The following SSH2 variants were observed in gnomAD, a reference collection of about 807,000 sequenced individuals.
SSH2 encodes protein phosphatase Slingshot homolog 2.
In SSH2, 37 loss-of-function variants were observed where a neutral mutation model predicts 135.2. The observed-to-expected ratio is 0.27, with a 90% CI of 0.21 to 0.36. The LOEUF is 0.36. Among genes scored for constraint, SSH2 ranks in the 10% least tolerant of loss-of-function variants. The pLI is 1.00. For missense variants in SSH2, 1,408 were observed against 1,765.3 expected, an observed-to-expected ratio of 0.80 and a Z score of 3.63; for synonymous variants, 628 against 646.2, an observed-to-expected ratio of 0.97 and a Z score of 0.43.
chr17:29,828,814 A>C (rs2042788788), intron 2 of SSH2, among the ~76,000 whole-genome samples: 1 of 152,238 alleles, frequency 6.6e-6, no homozygotes, highest in African/African-American at 2.4e-5. Context: ...TGGGAAACAA[A>C]GACACACAGA....
intron 1 of SSH2, among the ~76,000 whole-genome samples, chr17:29,909,654 T>G (rs1268312339): frequency 6.6e-6 from 1 of 152,212 alleles, no homozygotes; most frequent in Non-Finnish European, 1.5e-5. Context: ...TACACACAGA[T>G]TCTTAGGAAT....
intron 1 of SSH2, among the ~76,000 whole-genome samples, chr17:29,913,347 AATATATATATATATAT>A (rs56068605): frequency 9.4e-4 from 27 of 28,788 alleles, no homozygotes; most frequent in African/African-American, 3.2e-3. Flanking sequence ...AAAAAAAAAA[AATATATATATATATAT>A]ATATATATAT....
intron 1 of SSH2, among the ~76,000 whole-genome samples, chr17:29,850,770 G>T (rs2065540861): frequency 6.6e-6 from 1 of 152,166 alleles, no homozygotes; most frequent in African/African-American, 2.4e-5. Context: ...TGGATCACGA[G>T]GTCAGGAGAT....
chr17:29,820,996 G>A (rs1052587814), intron 2 of SSH2, among the ~76,000 whole-genome samples: 1 of 152,096 alleles, frequency 6.6e-6, no homozygotes, highest in East Asian at 1.9e-4. Flanking sequence ...AGCATCTGAA[G>A]AGTCCATGAA....
chr17:29,839,639 C>G (rs961979019), intron 2 of SSH2, among the ~76,000 whole-genome samples: 1 of 152,146 alleles, frequency 6.6e-6, no homozygotes, highest in Admixed American at 6.5e-5. Flanking sequence ...AGAAATATGT[C>G]AGGTCTCATT....
intron 12 of SSH2, among the ~76,000 whole-genome samples, chr17:29,654,335 G>A (rs1028154265): frequency 2.0e-5 from 3 of 152,030 alleles, no homozygotes; most frequent in African/African-American, 7.2e-5. Flanking sequence ...TTTAAATTAA[G>A]CAACCAGATT....
At chr17:29,813,152 G>A (rs1426950684) in intron 2 of SSH2, among the ~76,000 whole-genome samples, 1 of 152,126 alleles carries the variant, frequency 6.6e-6, no homozygotes, top group Non-Finnish European at 1.5e-5. Context: ...GGAGGCTGAG[G>A]CGGGTGGATC....
chr17:29,735,581 C>T (rs1021834087), intron 3 of SSH2, among the ~76,000 whole-genome samples: 30 of 151,016 alleles, frequency 2.0e-4, no homozygotes, highest in South Asian at 6.3e-4. Flanking sequence ...CCAGTAATCC[C>T]GCTACTTAGG....
At chr17:29,777,764 G>T in intron 3 of SSH2, 1 of 147,530 alleles carries the variant, frequency 6.8e-6, no homozygotes, top group Non-Finnish European at 1.4e-5. Flanking sequence ...GTATATTCAT[G>T]CCTCTGACCC....
At chr17:29,709,015 TAG>T (rs58190730) in intron 3 of SSH2, among the ~76,000 whole-genome samples, 1,114 of 81,472 alleles carry the variant, frequency 0.014, 14 homozygotes, top group Middle Eastern at 0.046. Context: ...TATATATATA[TAG>T]AGAGAGAGAG....
At chr17:29,760,465 C>A (rs773554297) in intron 3 of SSH2, among the ~76,000 whole-genome samples, 2 of 152,176 alleles carry the variant, frequency 1.3e-5, no homozygotes, top group Non-Finnish European at 2.9e-5. Flanking sequence ...AGCTTCAGCA[C>A]ACACACTTCT....
At chr17:29,717,047 T>C (rs553650795) in intron 3 of SSH2, among the ~76,000 whole-genome samples, 1 of 152,330 alleles carries the variant, frequency 6.6e-6, no homozygotes, top group South Asian at 2.1e-4. Context: ...ACCATTCCAG[T>C]TCCATATCCT....
chr17:29,705,500 T>C (rs2039161837), intron 3 of SSH2, among the ~76,000 whole-genome samples: 1 of 152,216 alleles, frequency 6.6e-6, no homozygotes, highest in Non-Finnish European at 1.5e-5. Context: ...CAACCACTTC[T>C]GCCCTCGATT....
intron 1 of SSH2, among the ~76,000 whole-genome samples, chr17:29,920,320 A>T (rs1468105740): frequency 6.6e-6 from 1 of 152,244 alleles, no homozygotes. Context: ...AAAGATGAGA[A>T]ACCTGAAGAT....
At chr17:29,734,992 C>T (rs1475593136) in intron 3 of SSH2, among the ~76,000 whole-genome samples, 2 of 151,954 alleles carry the variant, frequency 1.3e-5, no homozygotes, top group East Asian at 3.9e-4. Flanking sequence ...AAATCAAATA[C>T]CTAAAGCACT....
chr17:29,841,858 C>G (rs2043045623), intron 2 of SSH2, among the ~76,000 whole-genome samples: 1 of 150,220 alleles, frequency 6.7e-6, no homozygotes, highest in Admixed American at 6.7e-5. Context: ...TCCCGAGTAG[C>G]TGGGACTATA....
intron 3 of SSH2, among the ~76,000 whole-genome samples, chr17:29,742,319 C>CTT (rs891136307): frequency 7.7e-6 from 1 of 129,696 alleles, no homozygotes; most frequent in African/African-American, 2.8e-5. Flanking sequence ...GCAAGTTCTT[C>CTT]TTTTTTTTTT....
chr17:29,870,566 G>A (rs760509174), intron 1 of SSH2, among the ~76,000 whole-genome samples: 6 of 152,046 alleles, frequency 3.9e-5, no homozygotes, highest in African/African-American at 7.2e-5. Flanking sequence ...ACAAAAGAAC[G>A]TCTTTAGCCT....
chr17:29,828,817 C>G (rs535016174), intron 2 of SSH2, among the ~76,000 whole-genome samples: 1 of 152,306 alleles, frequency 6.6e-6, no homozygotes, highest in East Asian at 1.9e-4. Flanking sequence ...GAAACAAAGA[C>G]ACACAGACAT....
Sources: allele counts gnomAD v4.1 joint callset (sites outside exome capture counted in the v4.1 genomes callset), GRCh38; gene constraint gnomAD v4.1.1; transcripts MANE v1.5; gene names NCBI Gene and HGNC (gene_info 2026-07-23, HGNC 2026-07-21).